PAQR5: variants seen among roughly 807,000 people sequenced by gnomAD.
PAQR5 encodes membrane progestin receptor gamma.
Under a neutral mutation model 34.5 loss-of-function variants are expected in PAQR5, and 20 were observed. The ratio of observed to expected loss-of-function variants is 0.58; its 90% CI spans 0.41 to 0.84. PAQR5 has a LOEUF of 0.84. PAQR5 is among the 40% of genes least tolerant of loss of function. PAQR5 has a pLI of 0.00. For synonymous variants in PAQR5, 131 were observed against 155.6 expected (o/e 0.84, Z 1.18); for missense variants, 378 against 412.7 (o/e 0.92, Z 0.73).
intron 2 of PAQR5, 138 bp from the exon 3 acceptor site, chr15:69,359,828 T>C: frequency 2.2e-6 from 1 of 454,562 alleles, no homozygotes; most frequent in Non-Finnish European, 4.0e-6. Flanking sequence ...TCTGATCATT[T>C]TGCTGTTTTT....
In PAQR5 at chr15:69,327,984, T is replaced by C. The variant is rs189521862; in HGVS notation, c.-276-9357T>C. Among the ~76,000 whole-genome samples, 84 of 152,148 alleles carry C rather than the reference T, an allele frequency of 5.5e-4. 1 individual carries two copies. Among genetic ancestry groups the C allele is most frequent in the Admixed American group, 3.7e-3 (56 of 15,280 alleles). Reference sequence around the variant, plus strand: ...TTAGTAGAGACAGGGTTTCACCATGTTGGCCAGGCTGGTCTCAAATTCCTG... The same window carrying C: ...TTAGTAGAGACAGGGTTTCACCATGCTGGCCAGGCTGGTCTCAAATTCCTG... On this transcript the variant is annotated intron_variant, in intron 1 of 8. Coordinates refer to ENST00000395407, the MANE Select transcript of PAQR5 (RefSeq NM_017705.4).
chr15:69,325,840 G>A (rs1156856), intron 1 of PAQR5, among the ~76,000 whole-genome samples: 68,178 of 151,838 alleles, frequency 0.45, 15,991 homozygotes, highest in East Asian at 0.61. Context: ...ATCTGCCCGG[G>A]AAACTAAGGT....
At chr15:69,372,715 G>A (rs1041583293) in intron 3 of PAQR5, among the ~76,000 whole-genome samples, 2 of 152,180 alleles carry the variant, frequency 1.3e-5, no homozygotes, top group African/African-American at 2.4e-5. Context: ...AATTGCATGT[G>A]TGTTGTGTGT....
chr15:69,363,455 A>G (rs1334281504), intron 3 of PAQR5, among the ~76,000 whole-genome samples: 1 of 152,124 alleles, frequency 6.6e-6, no homozygotes, highest in African/African-American at 2.4e-5. Context: ...AGAGGCCTAG[A>G]AAAAAGACAA....
intron 4 of PAQR5, among the ~76,000 whole-genome samples, chr15:69,382,572 G>A (rs1161602177): frequency 6.7e-6 from 1 of 149,054 alleles, no homozygotes; most frequent in Non-Finnish European, 1.5e-5. Context: ...TTGAACCCAG[G>A]AGGCAGAGGT....
chr15:69,314,481 C>T (rs2053899615), intron 1 of PAQR5: 2 of 152,442 alleles, frequency 1.3e-5, no homozygotes, highest in Middle Eastern at 3.4e-3. Context: ...ATCTCTGGGC[C>T]TTGGATTCCT....
chr15:69,307,034 G>A (rs2053732958), intron 1 of PAQR5, among the ~76,000 whole-genome samples: 1 of 151,824 alleles, frequency 6.6e-6, no homozygotes. Context: ...CATCCATGTT[G>A]TGGCATGTGA....
intron 3 of PAQR5, chr15:69,379,477 T>C (rs2055818488): frequency 1.0e-6 from 1 of 985,364 alleles, no homozygotes; most frequent in Non-Finnish European, 1.2e-6. Flanking sequence ...CACCAGCCCC[T>C]GACATGCAGG....
Position 69,337,488 on chromosome 15 carries a change from G to A in PAQR5, c.-129G>A, listed in dbSNP as rs1052932141. 6.6e-6 allele frequency: 1 copy of A among 152,190 alleles called. No individual in the cohort carries two copies. The highest frequency in any genetic ancestry group is 2.4e-5 in the African/African-American group (1 of 41,424). The allele number at this position is 152,190 out of a possible 1,614,324, so 9.4% of individuals were successfully genotyped here. A position where few individuals can be genotyped will look rare whatever the true frequency, so the allele number is the denominator to read the frequency against. On this transcript the variant is annotated 5_prime_UTR_variant, in exon 2 of 9. Transcript: ENST00000395407. Reference sequence around the variant, plus strand: ...TGTCCACACAGAGTTCCTGTACAAGGTTCCTGACCTGTGGTAAGTAAAGAA... The same window carrying A: ...TGTCCACACAGAGTTCCTGTACAAGATTCCTGACCTGTGGTAAGTAAAGAA...
chr15:69,359,133 C>T (rs1236071876), intron 2 of PAQR5, among the ~76,000 whole-genome samples: 2 of 152,160 alleles, frequency 1.3e-5, no homozygotes, highest in African/African-American at 2.4e-5. Flanking sequence ...AAGGGGCGAA[C>T]AAGCTCCCTC....
chr15:69,402,286 T>C (rs899077448), intron 8 of PAQR5, among the ~76,000 whole-genome samples: 1 of 152,090 alleles, frequency 6.6e-6, no homozygotes, highest in Non-Finnish European at 1.5e-5. Context: ...TTTTCTTGTA[T>C]ACGTGCATGT....
chr15:69,315,804 A>G (rs2053931705), intron 1 of PAQR5, among the ~76,000 whole-genome samples: 1 of 152,166 alleles, frequency 6.6e-6, no homozygotes, highest in African/African-American at 2.4e-5. Context: ...CTCTGGGGGC[A>G]GGGACTACCT....
intron 8 of PAQR5, among the ~76,000 whole-genome samples, chr15:69,403,042 C>A (rs1226905417): frequency 6.6e-6 from 1 of 152,250 alleles, no homozygotes; most frequent in East Asian, 1.9e-4. Flanking sequence ...TAGTGGCCAA[C>A]AGAAAATTCA....
At chr15:69,312,564 C>T (rs9806149) in intron 1 of PAQR5, among the ~76,000 whole-genome samples, 63,007 of 150,422 alleles carry the variant, frequency 0.42, 13,567 homozygotes, top group African/African-American at 0.54. Context: ...ACTTCGCTCC[C>T]ATCTGAAGTG....
At chr15:69,299,915 T>TC (rs34674830) in intron 1 of PAQR5, among the ~76,000 whole-genome samples, 73,161 of 151,904 alleles carry the variant, frequency 0.48, 20,099 homozygotes, top group Middle Eastern at 0.62. Context: ...AAGGGACACA[T>TC]CCCTGATTTC....
intron 1 of PAQR5, among the ~76,000 whole-genome samples, chr15:69,304,233 G>A (rs929536413): frequency 3.9e-5 from 6 of 152,210 alleles, no homozygotes; most frequent in Admixed American, 2.0e-4. Context: ...CTAAGACAGA[G>A]CTTCATGCAC....
At chr15:69,378,912 CAACA>C (rs2055799465) in intron 3 of PAQR5, among the ~76,000 whole-genome samples, 1 of 152,136 alleles carries the variant, frequency 6.6e-6, no homozygotes, top group African/African-American at 2.4e-5. Flanking sequence ...TTGGCCCCCA[CAACA>C]AACAATGATC....
chr15:69,308,114 C>G (rs1382099134), intron 1 of PAQR5, among the ~76,000 whole-genome samples: 3 of 152,132 alleles, frequency 2.0e-5, no homozygotes, highest in African/African-American at 7.2e-5. Context: ...ACCTGGAGGG[C>G]CCTGCGGAGT....
At chr15:69,329,835 A>G (rs1324662017) in intron 1 of PAQR5, among the ~76,000 whole-genome samples, 1 of 151,784 alleles carries the variant, frequency 6.6e-6, no homozygotes. Context: ...CTGATGGCTC[A>G]CTCTCCTGAA....
Sources: gnomAD v4.1 joint callset for allele counts (sites outside exome capture counted in the v4.1 genomes callset) on GRCh38, gnomAD v4.1.1 for gene constraint, MANE v1.5 for transcripts, NCBI Gene and HGNC (gene_info 2026-07-23, HGNC 2026-07-21) for gene names.